RASGEF1C: variants seen among roughly 807,000 people sequenced by gnomAD.
RASGEF1C encodes ras-GEF domain-containing family member 1C.
A neutral mutation model predicts 58.1 loss-of-function variants in RASGEF1C; 27 were observed. The observed-to-expected ratio is 0.46, with a 90% CI of 0.34 to 0.64. RASGEF1C has a LOEUF of 0.64. Ranked by LOEUF, RASGEF1C falls within the 30% of genes least tolerant of loss-of-function variation. The pLI, the probability that RASGEF1C is intolerant of heterozygous loss-of-function variation, is 0.01. For missense variants in RASGEF1C, 502 were observed against 605.1 expected (o/e 0.83, Z 1.79); for synonymous variants, 243 against 246.3 (o/e 0.99, Z 0.13).
intron 1 of RASGEF1C, among the ~76,000 whole-genome samples, chr5:180,190,271 A>G (rs978068285): frequency 1.3e-5 from 2 of 151,154 alleles, no homozygotes; most frequent in Admixed American, 6.6e-5. Flanking sequence ...GCGGATCACG[A>G]GGTTAGGAGA....
chr5:180,197,072 T>G lies in RASGEF1C; in HGVS notation c.-7+11956A>C, dbSNP rs1443171573. ...AGACCTCACCACAGGGCAGGGCTGC[T>G]CTCACTGACAGGCGCCTGTGGCCAG... On this transcript the variant is annotated intron_variant, in intron 1 of 13. Transcript: ENST00000361132. The surrounding 1 kb of genome is among the most constrained non-coding windows in gnomAD (Gnocchi z 4.7). 6.6e-6 allele frequency among the ~76,000 whole-genome samples: 1 copy of G among 152,212 alleles called. No individual in the cohort carries two copies. Among genetic ancestry groups the G allele is most frequent in the Non-Finnish European group, 1.5e-5 (1 of 68,040 alleles).
chr5:180,119,015 A>G (rs932284378), intron 8 of RASGEF1C, 149 bp from the exon 9 acceptor site: 6 of 728,128 alleles, frequency 8.2e-6, no homozygotes, highest in Non-Finnish European at 1.4e-5. Flanking sequence ...GTGCTGGTGG[A>G]CATCATGGTC....
At chr5:180,172,458 C>G (rs982519680) in intron 1 of RASGEF1C, among the ~76,000 whole-genome samples, 7 of 152,156 alleles carry the variant, frequency 4.6e-5, no homozygotes, top group Non-Finnish European at 1.0e-4. Context: ...GAAATGAGGG[C>G]TGAGGGGCAG....
At chr5:180,127,465 G>A (rs1243276490) in intron 6 of RASGEF1C, 144 bp downstream of exon 6, 3 of 636,068 alleles carry the variant, frequency 4.7e-6, no homozygotes, top group Non-Finnish European at 7.6e-6. Flanking sequence ...GAGGGGCGTG[G>A]CGGAGTGGGC....
At chr5:180,118,561 C>T (rs745748475) in intron 10 of RASGEF1C, 48 bp downstream of exon 10, 5 of 1,508,252 alleles carry the variant, frequency 3.3e-6, no homozygotes, top group Non-Finnish European at 2.7e-6. Context: ...GAGCCAGCAC[C>T]CAGGTTCCCT....
At chr5:180,138,368 T>A (rs1399525529) in intron 1 of RASGEF1C, 1 of 268,680 alleles carries the variant, frequency 3.7e-6, no homozygotes, top group Non-Finnish European at 7.0e-6. Flanking sequence ...TCCACGAAGG[T>A]TGTTTTTCAC....
At chr5:180,103,253 AT>A (rs1270710098) in intron 12 of RASGEF1C, among the ~76,000 whole-genome samples, 1 of 152,020 alleles carries the variant, frequency 6.6e-6, no homozygotes, top group Non-Finnish European at 1.5e-5. Context: ...AATGTTTTGT[AT>A]TTTTAGTAGA....
At position 180,181,939 on chromosome 5, in the gene RASGEF1C, C is replaced by G. The variant is rs577087338; in HGVS notation, c.-7+27089G>C. ...AAGCCATGGGCCGGGCGCAGTGGCTCACGCCTGTAATCCTAGCACTTTGGG... is the reference window on the plus strand; with the variant it reads ...AAGCCATGGGCCGGGCGCAGTGGCTGACGCCTGTAATCCTAGCACTTTGGG... On this transcript the variant is annotated intron_variant, in intron 1 of 13. Coordinates refer to ENST00000361132, the MANE Select transcript of RASGEF1C (RefSeq NM_175062.4). 4.6e-5 allele frequency among the ~76,000 whole-genome samples: 7 copies of G among 150,812 alleles called. No individual in the cohort carries two copies. The South Asian group carries it at 6.4e-4, about 14-fold the overall frequency.
rs201799534 is a variant in RASGEF1C, at chr5:180,109,436, T to C, written c.1303+2021A>G. ...TTGCGCCACTGCACTCCAGCCTGGG[T>C]GACAGAGCGAGACTCCGTCTCAAAA... On this transcript the variant is annotated intron_variant, in intron 12 of 13. Coordinates refer to ENST00000361132, the MANE Select transcript of RASGEF1C (RefSeq NM_175062.4). Among the ~76,000 whole-genome samples the C allele has an allele frequency of 5.7e-4, 86 of 152,132 alleles. No individual in the cohort carries two copies. The East Asian group carries it at 0.012, about 21-fold the overall frequency.
intron 1 of RASGEF1C, among the ~76,000 whole-genome samples, chr5:180,166,515 C>CT (rs543849836): frequency 0.039 from 5,376 of 137,828 alleles, 160 homozygotes; most frequent in South Asian, 0.1. Flanking sequence ...AAGAATTTTT[C>CT]TTTTTTTTTT....
chr5:180,119,416 A>G lies in RASGEF1C; in HGVS notation c.837T>C (p.Ile279=), dbSNP rs1766129789. The part of the protein sequence containing the change: ...PAKKKQRAQV[I]EFFIDVAREC... ...CGCGGGCCACGTCGATGAAGAACTC[A>G]ATCACCTGGGCCCTCTGCTTCTTCT... Residue 279 remains isoleucine, a synonymous_variant, in exon 8 of 14, where the codon ATT becomes ATC. Transcript: ENST00000361132. 1 of 1,614,058 alleles carries G rather than the reference A, an allele frequency of 6.2e-7. No individual in the cohort carries two copies. Among genetic ancestry groups the G allele is most frequent in the Non-Finnish European group, 8.5e-7 (1 of 1,179,962 alleles).
chr5:180,116,009 G>A lies in RASGEF1C; in HGVS notation c.1084-1468C>T, dbSNP rs74611311. ...CAGGGAGGGGGTTTAAGGAATGTGG[G>A]ACTCCGCACACAGAGGAGGCTCCTC... On this transcript the variant is annotated intron_variant, in intron 10 of 13. Coordinates refer to ENST00000361132, the MANE Select transcript of RASGEF1C (RefSeq NM_175062.4). Among the ~76,000 whole-genome samples, 1,417 of 152,192 alleles carry A rather than the reference G, an allele frequency of 9.3e-3. 19 individuals are homozygous for A. Among genetic ancestry groups the A allele is most frequent in the African/African-American group, 0.033 (1,360 of 41,516 alleles).
At chr5:180,139,557 C>T (rs906610135) in intron 1 of RASGEF1C, among the ~76,000 whole-genome samples, 1 of 152,174 alleles carries the variant, frequency 6.6e-6, no homozygotes, top group Non-Finnish European at 1.5e-5. Context: ...GGGAAGGGCT[C>T]AGGCATTGGT....
intron 13 of RASGEF1C, 90 bp from the exon 14 acceptor site, chr5:180,101,615 G>A (rs974434225): frequency 2.1e-5 from 31 of 1,485,828 alleles, no homozygotes; most frequent in South Asian, 1.6e-4. Flanking sequence ...TTCTCAGTGC[G>A]CTGAGGAGAG....
intron 10 of RASGEF1C, 86 bp downstream of exon 10, chr5:180,118,523 G>C (rs1766109079): frequency 4.9e-6 from 6 of 1,218,284 alleles, no homozygotes; most frequent in South Asian, 1.4e-5. Flanking sequence ...GATGCTGCAG[G>C]GGGCAGGAGC....
At chr5:180,123,798 T>C (rs1561735368) in intron 6 of RASGEF1C, among the ~76,000 whole-genome samples, 1 of 152,058 alleles carries the variant, frequency 6.6e-6, no homozygotes, top group Non-Finnish European at 1.5e-5. Flanking sequence ...ATTAATAAAA[T>C]TGATGAACCT....
intron 1 of RASGEF1C, among the ~76,000 whole-genome samples, chr5:180,140,167 C>T (rs1412212130): frequency 2.6e-5 from 4 of 152,232 alleles, no homozygotes; most frequent in African/African-American, 7.2e-5. Flanking sequence ...GCGACTAGCT[C>T]TCGCTGGAGC....
chr5:180,136,705 T>A, intron 3 of RASGEF1C, 190 bp from the exon 4 acceptor site: 1 of 607,048 alleles, frequency 1.6e-6, no homozygotes, highest in Non-Finnish European at 2.8e-6. Flanking sequence ...GACACATTTC[T>A]GGGCAGGGCC....
At chr5:180,130,225 A>G (rs1036488452) in intron 4 of RASGEF1C, among the ~76,000 whole-genome samples, 1 of 152,236 alleles carries the variant, frequency 6.6e-6, no homozygotes, top group Non-Finnish European at 1.5e-5. Context: ...TTGGGAGCAG[A>G]GGCCAGGGAA....
Sources: gnomAD v4.1 joint callset for allele counts (sites outside exome capture counted in the v4.1 genomes callset) on GRCh38, gnomAD v4.1.1 for gene constraint, Gnocchi (gnomAD v3.1) non-coding constraint, MANE v1.5 for transcripts, NCBI Gene and HGNC (gene_info 2026-07-23, HGNC 2026-07-21) for gene names.